Variants in SNX24 observed in about 807,000 individuals in gnomAD.
SNX24 encodes sorting nexin-24.
In SNX24, 22 loss-of-function variants were observed where a neutral mutation model predicts 28.7. That is an observed-to-expected ratio of 0.77 (90% CI 0.55 to 1.10). The LOEUF is 1.10. SNX24 is among the 50% of genes least tolerant of loss of function. The pLI, the probability that SNX24 is intolerant of heterozygous loss-of-function variation, is 0.00. For missense variants in SNX24, 221 were observed against 201.1 expected (o/e 1.10, Z -0.60); for synonymous variants, 69 against 71.5 (o/e 0.96, Z 0.18).
chr5:122,980,400 G>A (rs936755236), intron 3 of SNX24, among the ~76,000 whole-genome samples: 1 of 152,102 alleles, frequency 6.6e-6, no homozygotes, highest in African/African-American at 2.4e-5. Flanking sequence ...TTGTGGAGGA[G>A]AGAGGCAAGT....
chr5:122,910,468 T>G lies in SNX24; in HGVS notation c.61-26266T>G, dbSNP rs903079996. The stretch of plus-strand genomic sequence containing the variant: ...GAAAGACAGACTTTTTTTTGTTTTG[T>G]TTTTTAATTATTATTATACTTTAAG... On this transcript the variant is annotated intron_variant, in intron 1 of 6. Transcript: ENST00000261369. Among the ~76,000 whole-genome samples, 13 of 152,248 alleles carry G rather than the reference T, an allele frequency of 8.5e-5. No individual in the cohort carries two copies. The South Asian group carries it at 1.2e-3, about 15-fold the overall frequency.
At chr5:122,911,101 C>A (rs1757866062) in intron 1 of SNX24, among the ~76,000 whole-genome samples, 1 of 152,150 alleles carries the variant, frequency 6.6e-6, no homozygotes, top group Non-Finnish European at 1.5e-5. Flanking sequence ...TAAAAGTGTT[C>A]CTATTTCTCC....
chr5:123,027,485 G>C (rs953249340), intron 5 of SNX24, among the ~76,000 whole-genome samples: 1 of 152,146 alleles, frequency 6.6e-6, no homozygotes, highest in African/African-American at 2.4e-5. Flanking sequence ...TGCCAGCACC[G>C]AGGGCACGGG....
chr5:122,958,464 A>C (rs183634), intron 3 of SNX24, among the ~76,000 whole-genome samples: 1 of 151,516 alleles, frequency 6.6e-6, no homozygotes, highest in Admixed American at 6.6e-5. Context: ...ATGTTGGCCA[A>C]GCTGGTCTCA....
intron 3 of SNX24, among the ~76,000 whole-genome samples, chr5:122,951,224 G>A (rs1477421519): frequency 7.5e-5 from 10 of 133,870 alleles, no homozygotes; most frequent in Non-Finnish European, 9.1e-5. Flanking sequence ...CTGAGATTGC[G>A]CCACTGCACT....
intron 1 of SNX24, among the ~76,000 whole-genome samples, chr5:122,890,101 T>C (rs1216273523): frequency 6.6e-6 from 1 of 152,164 alleles, no homozygotes; most frequent in African/African-American, 2.4e-5. Context: ...TGGCTTCGTC[T>C]GATGGTTCCT....
chr5:122,946,561 G>A (rs1198378672), intron 3 of SNX24, among the ~76,000 whole-genome samples: 7 of 152,004 alleles, frequency 4.6e-5, no homozygotes, highest in Non-Finnish European at 5.9e-5. Context: ...AACTCACAGC[G>A]GGCCTGGCTA....
In SNX24 at chr5:123,008,886, T is replaced by C; in HGVS notation, c.*1137T>C. The C allele has an allele frequency of 1.3e-5, 13 of 984,172 alleles. No homozygotes were observed. Among genetic ancestry groups the C allele is most frequent in the Non-Finnish European group, 1.6e-5 (13 of 828,368 alleles). The allele number at this position is 984,172 out of a possible 1,614,324, so 61.0% of individuals were successfully genotyped here. A position where few individuals can be genotyped will look rare whatever the true frequency, so the allele number is the denominator to read the frequency against. The stretch of plus-strand genomic sequence containing the variant: ...ATACTACCTATATGTATGTGCTGTA[T>C]GTGGGCATTTCATTGAGATCTAATT... On this transcript the variant is annotated 3_prime_UTR_variant, in exon 7 of 7. Transcript: ENST00000261369.
At chr5:123,003,491 G>A (rs1260439368) in intron 6 of SNX24, among the ~76,000 whole-genome samples, 1 of 152,060 alleles carries the variant, frequency 6.6e-6, no homozygotes, top group African/African-American at 2.4e-5. Flanking sequence ...TTTGAAAAAT[G>A]GCTCCACAAG....
chr5:122,890,471 ATT>A (rs1161406947), intron 1 of SNX24, among the ~76,000 whole-genome samples: 6 of 138,888 alleles, frequency 4.3e-5, no homozygotes, highest in Admixed American at 1.5e-4. Context: ...TTTAGAGGGG[ATT>A]TTTTTTTTTT....
chr5:122,982,942 G>C (rs1043086503), intron 3 of SNX24: 1 of 151,864 alleles, frequency 6.6e-6, no homozygotes, highest in Non-Finnish European at 1.5e-5. Flanking sequence ...AAAAACATTT[G>C]AATAGTATTA....
chr5:122,901,201 C>CAA lies in SNX24; in HGVS notation c.61-35519_61-35518dup, dbSNP rs58784065. On this transcript the variant is annotated intron_variant, in intron 1 of 6. Coordinates refer to ENST00000261369, the MANE Select transcript of SNX24 (RefSeq NM_014035.4). ...GGGTGACAAGAGCAAAACTCCATCT[C>CAA]AAAAAAAAAAAAAAAGCAAAATATT... is the stretch of plus-strand genomic sequence containing the variant. Among the ~76,000 whole-genome samples the CAA allele has an allele frequency of 5.1e-3, 441 of 87,212 alleles. 5 individuals are homozygous for CAA. The highest frequency in any genetic ancestry group is 0.018 in the African/African-American group (416 of 22,784). 57.2% of individuals were successfully genotyped at this position (87,212 alleles called of 152,430 possible).
At chr5:122,883,370 G>T (rs995769671) in intron 1 of SNX24, among the ~76,000 whole-genome samples, 5 of 152,104 alleles carry the variant, frequency 3.3e-5, no homozygotes, top group African/African-American at 9.6e-5. Context: ...ATTATTAATA[G>T]CATTTTCTGT....
rs1189549669 is a variant in SNX24, at chr5:123,008,753, C to T, written c.*1004C>T. ...ACAGGATTTCATGTTATTTTCCTTA[C>T]GGCTTCCTTTTCACTGACCTCATTT... On this transcript the variant is annotated 3_prime_UTR_variant, in exon 7 of 7. Transcript: ENST00000261369. 27 of 526,790 alleles carry T rather than the reference C, an allele frequency of 5.1e-5. No homozygotes were observed. The highest frequency in any genetic ancestry group is 6.1e-5 in the Non-Finnish European group (25 of 411,438). The allele number at this position is 526,790 out of a possible 1,614,324, so 32.6% of individuals were successfully genotyped here.
intron 2 of SNX24, among the ~76,000 whole-genome samples, chr5:122,937,633 A>T (rs1041981851): frequency 6.6e-6 from 1 of 152,202 alleles, no homozygotes; most frequent in Non-Finnish European, 1.5e-5. Context: ...GAGATTAGTG[A>T]GACTGTTTCC....
At chr5:123,025,995 A>G in intron 5 of SNX24, 1 of 1,561,060 alleles carries the variant, frequency 6.4e-7, no homozygotes, top group South Asian at 1.2e-5. Flanking sequence ...AAGAAAGTCA[A>G]CAGATGTCTT....
intron 1 of SNX24, among the ~76,000 whole-genome samples, chr5:122,919,089 C>T (rs749820996): frequency 4.7e-4 from 72 of 152,074 alleles, no homozygotes; most frequent in Non-Finnish European, 8.2e-4. Flanking sequence ...AAAGCTGTAT[C>T]GAAAATTAGA....
intron 1 of SNX24, among the ~76,000 whole-genome samples, chr5:122,893,215 C>T (rs2150072445): frequency 6.8e-6 from 1 of 147,926 alleles, no homozygotes; most frequent in South Asian, 2.2e-4. Flanking sequence ...TCTTTTAATG[C>T]CCAATTGTTT....
chr5:122,898,599 T>G (rs1384458238), intron 1 of SNX24, among the ~76,000 whole-genome samples: 3 of 152,136 alleles, frequency 2.0e-5, no homozygotes, highest in Non-Finnish European at 2.9e-5. Context: ...AGGAGAAGTG[T>G]TGTTGTATAG....
Sources: gnomAD v4.1 joint callset for allele counts (sites outside exome capture counted in the v4.1 genomes callset) on GRCh38, gnomAD v4.1.1 for gene constraint, MANE v1.5 for transcripts, NCBI Gene and HGNC (gene_info 2026-07-23, HGNC 2026-07-21) for gene names.